NOX4: variants seen among roughly 807,000 people sequenced by gnomAD.
NOX4 encodes the protein kidney oxidase-1.
Under a neutral mutation model 87.6 loss-of-function variants are expected in NOX4, and 69 were observed. The observed-to-expected ratio is 0.79, with a 90% CI of 0.65 to 0.96. The LOEUF is 0.96. NOX4 is among the 40% of genes least tolerant of loss of function. The pLI is 0.00. For missense variants in NOX4, 680 were observed against 681.5 expected, an observed-to-expected ratio of 1.00 and a Z score of 0.02; for synonymous variants, 275 against 238.2, an observed-to-expected ratio of 1.15 and a Z score of -1.42.
intron 2 of NOX4, among the ~76,000 whole-genome samples, chr11:89,481,703 G>A (rs375275868): frequency 9.9e-5 from 15 of 152,120 alleles, no homozygotes; most frequent in African/African-American, 3.1e-4. Context: ...CACTGACCAG[G>A]AGTTAGAGGA....
At chr11:89,554,013 C>T in the NOX4 span, among the ~76,000 whole-genome samples, 1 of 151,636 alleles carries the variant, frequency 6.6e-6, no homozygotes, top group African/African-American at 2.4e-5. Flanking sequence ...TTCAAAGAGA[C>T]AGCTTCCAGG....
chr11:89,538,810 G>T, the NOX4 span, among the ~76,000 whole-genome samples: 5 of 151,840 alleles, frequency 3.3e-5, no homozygotes, highest in Non-Finnish European at 5.9e-5. Flanking sequence ...GATATATGGG[G>T]GCCAGATGTT....
At chr11:89,583,258 A>G in the NOX4 span, among the ~76,000 whole-genome samples, 1 of 152,148 alleles carries the variant, frequency 6.6e-6, no homozygotes, top group Non-Finnish European at 1.5e-5. Flanking sequence ...GAGAAAAAAA[A>G]AAGCGTTGTC....
chr11:89,557,516 T>C, the NOX4 span, among the ~76,000 whole-genome samples: 1 of 152,188 alleles, frequency 6.6e-6, no homozygotes, highest in Non-Finnish European at 1.5e-5. Flanking sequence ...TAAACACTTA[T>C]CATGTTCCTG....
chr11:89,496,773 G>A (rs1369444256), upstream of NOX4, among the ~76,000 whole-genome samples: 1 of 151,980 alleles, frequency 6.6e-6, no homozygotes. Context: ...TTCCAAAGAA[G>A]CTCTCTCTCT....
chr11:89,485,771 G>T (rs966122248), intron 2 of NOX4, among the ~76,000 whole-genome samples: 4 of 152,066 alleles, frequency 2.6e-5, no homozygotes, highest in African/African-American at 9.7e-5. Context: ...AGTGGAGCAG[G>T]CTATTGTTTG....
In NOX4 at chr11:89,432,838, A is replaced by T. The variant is rs1266989906; in HGVS notation, c.494T>A (p.Val165Asp). The part of the protein sequence containing the change: ...LFTTVPGLTG[V>D]CMVVVLFLMI... Reference sequence around the variant, plus strand: ...GAGGAATAGCACCACCACCATGCAGACCCCTGTCAGGCCAGGAACTATAAA... The same window carrying T: ...GAGGAATAGCACCACCACCATGCAGTCCCCTGTCAGGCCAGGAACTATAAA... The change falls in exon 7 of 18, where the codon GTC (valine) becomes GAC (aspartate). Residue 165 changes from valine to aspartate, a missense_variant. Val to Asp is a radical substitution (Grantham distance 152). Coordinates refer to ENST00000263317, the MANE Select transcript of NOX4 (RefSeq NM_016931.5). The T allele has an allele frequency of 6.2e-7, 1 of 1,610,982 alleles. No homozygotes were observed. The highest frequency in any genetic ancestry group is 8.5e-7 in the Non-Finnish European group (1 of 1,177,842).
At chr11:89,438,372 T>A (rs1473665356) in intron 6 of NOX4, among the ~76,000 whole-genome samples, 1 of 96,928 alleles carries the variant, frequency 1.0e-5, no homozygotes, top group Non-Finnish European at 1.9e-5. Flanking sequence ...ATATAATATA[T>A]ATAATATATA....
rs1946068791 is a variant in NOX4 at position 89,474,170 on chromosome 11, C to A, written c.153+16288G>T. Reference sequence around the variant, plus strand: ...TTTGCGCCAACCTATTAAATTAAATCAAACATAAGATGATGTATTTGTAGT... The same window carrying A: ...TTTGCGCCAACCTATTAAATTAAATAAAACATAAGATGATGTATTTGTAGT... On this transcript the variant is annotated intron_variant, in intron 2 of 17. Transcript: ENST00000263317. Among the ~76,000 whole-genome samples the A allele has an allele frequency of 4.6e-5, 7 of 152,022 alleles. No individual in the cohort carries two copies. In the South Asian group the frequency reaches 1.4e-3, roughly 31 times the overall value.
At chr11:89,438,483 T>C (rs1318077183) in intron 6 of NOX4, among the ~76,000 whole-genome samples, 1 of 81,694 alleles carries the variant, frequency 1.2e-5, no homozygotes, top group Non-Finnish European at 1.9e-5. Flanking sequence ...ATACTATATA[T>C]ACTATATAAT....
intron 2 of NOX4, among the ~76,000 whole-genome samples, chr11:89,456,213 T>A (rs1945191434): frequency 6.6e-6 from 1 of 152,066 alleles, no homozygotes; most frequent in South Asian, 2.1e-4. Flanking sequence ...TAATTAAAAA[T>A]TAAAATTGTT....
intron 2 of NOX4, chr11:89,488,995 T>C: frequency 1.4e-6 from 1 of 702,558 alleles, no homozygotes; most frequent in South Asian, 1.5e-5. Flanking sequence ...AGACAGTTCC[T>C]GGATTGGATG....
chr11:89,544,666 C>T, the NOX4 span, among the ~76,000 whole-genome samples: 1 of 152,076 alleles, frequency 6.6e-6, no homozygotes, highest in African/African-American at 2.4e-5. Context: ...AGTCTTTCTT[C>T]ATCTTTACAA....
chr11:89,508,991 G>T, the NOX4 span, among the ~76,000 whole-genome samples: 6 of 151,934 alleles, frequency 3.9e-5, no homozygotes, highest in African/African-American at 1.4e-4. Context: ...ACATAATTTA[G>T]TTCTCAATTC....
At chr11:89,540,184 A>G in the NOX4 span, among the ~76,000 whole-genome samples, 1 of 152,148 alleles carries the variant, frequency 6.6e-6, no homozygotes, top group African/African-American at 2.4e-5. Flanking sequence ...AAAAGAGAAA[A>G]AGAAGCCATA....
chr11:89,556,300 A>T, the NOX4 span, among the ~76,000 whole-genome samples: 1 of 152,146 alleles, frequency 6.6e-6, no homozygotes, highest in African/African-American at 2.4e-5. Flanking sequence ...AGGCGAGTGG[A>T]TTACCTGAAC....
the NOX4 span, among the ~76,000 whole-genome samples, chr11:89,531,085 TC>T: frequency 6.6e-6 from 1 of 152,184 alleles, no homozygotes; most frequent in East Asian, 1.9e-4. Context: ...CAGCTGGCTT[TC>T]TTTACTTGCA....
intron 12 of NOX4, among the ~76,000 whole-genome samples, chr11:89,373,072 T>A (rs540119935): frequency 1.3e-5 from 2 of 151,748 alleles, no homozygotes; most frequent in Admixed American, 6.6e-5. Context: ...GATCTCAATA[T>A]CAGGTGTTGA....
chr11:89,391,956 T>TCC (rs1364681854), intron 11 of NOX4, among the ~76,000 whole-genome samples: 1 of 138,958 alleles, frequency 7.2e-6, no homozygotes, highest in Non-Finnish European at 1.5e-5. Flanking sequence ...CCCTTCTCCT[T>TCC]CCTTCCTTCC....
Sources: gnomAD v4.1 joint callset for allele counts (sites outside exome capture counted in the v4.1 genomes callset) on GRCh38, gnomAD v4.1.1 for gene constraint, MANE v1.5 for transcripts, NCBI Gene and HGNC (gene_info 2026-07-23, HGNC 2026-07-21) for gene names.